IL16: variants seen among roughly 807,000 people sequenced by gnomAD.
The protein encoded by IL16 is pro-interleukin-16.
Under a neutral mutation model 110.1 loss-of-function variants are expected in IL16, and 67 were observed. The ratio of observed to expected loss-of-function variants is 0.61; its 90% CI spans 0.50 to 0.75. IL16 has a LOEUF of 0.75. IL16 is among the 30% of genes least tolerant of loss of function. IL16 has a pLI of 0.00. For missense variants in IL16, 1,545 were observed against 1,655.0 expected (o/e 0.93, Z 1.15); for synonymous variants, 689 against 662.9 (o/e 1.04, Z -0.61).
chr15:81,223,334 G>A (rs1247390466), intron 1 of IL16, among the ~76,000 whole-genome samples: 2 of 152,212 alleles, frequency 1.3e-5, no homozygotes, highest in African/African-American at 4.8e-5. Context: ...CAAGTGACAA[G>A]AGGAGGACAT....
At chr15:81,276,214 C>A (rs867194150) in intron 6 of IL16, among the ~76,000 whole-genome samples, 1 of 152,192 alleles carries the variant, frequency 6.6e-6, no homozygotes, top group Non-Finnish European at 1.5e-5. Context: ...ACCTAACAGA[C>A]GGAACTGATC....
chr15:81,265,243 G>T (rs1281428152), intron 3 of IL16, among the ~76,000 whole-genome samples: 1 of 152,176 alleles, frequency 6.6e-6, no homozygotes, highest in African/African-American at 2.4e-5. Flanking sequence ...TGTTCCTACT[G>T]GGTCTCGCCT....
chr15:81,233,491 G>GTA (rs200468907), intron 2 of IL16, among the ~76,000 whole-genome samples: 3,139 of 147,330 alleles, frequency 0.021, 43 homozygotes, highest in Middle Eastern at 0.037. Flanking sequence ...GTGTGTGTGT[G>GTA]TGTGTCTTGA....
chr15:81,204,757 AAAAAG>A (rs1452621483), intron 1 of IL16, among the ~76,000 whole-genome samples: 2 of 127,562 alleles, frequency 1.6e-5, no homozygotes, highest in African/African-American at 3.7e-5. Flanking sequence ...ATTAAAAAAA[AAAAAG>A]AAAAAAAAGA....
chr15:81,216,797 A>G (rs1399664219), intron 1 of IL16, among the ~76,000 whole-genome samples: 1 of 152,074 alleles, frequency 6.6e-6, no homozygotes, highest in African/African-American at 2.4e-5. Flanking sequence ...TGGCACCCCA[A>G]GCAGCCCTCC....
intron 2 of IL16, among the ~76,000 whole-genome samples, chr15:81,246,154 T>G (rs532638904): frequency 6.6e-6 from 1 of 152,300 alleles, no homozygotes; most frequent in African/African-American, 2.4e-5. Context: ...CTGTAAAAAT[T>G]AAAGAAACAG....
intron 18 of IL16, 152 bp downstream of exon 18, chr15:81,306,697 G>T: frequency 1.1e-6 from 1 of 949,922 alleles, no homozygotes; most frequent in Non-Finnish European, 1.7e-6. Context: ...GCTCAATTCT[G>T]CTTTTTCTAC....
chr15:81,189,754 C>T (rs920654648), intron 1 of IL16, among the ~76,000 whole-genome samples: 1 of 152,108 alleles, frequency 6.6e-6, no homozygotes, highest in Admixed American at 6.6e-5. Flanking sequence ...GAAGGATGCA[C>T]GAAGCATCTG....
chr15:81,296,738 A>T (rs1900002543), intron 12 of IL16, among the ~76,000 whole-genome samples, 190 bp from the exon 13 acceptor site: 1 of 152,202 alleles, frequency 6.6e-6, no homozygotes, highest in African/African-American at 2.4e-5. Flanking sequence ...GATGCTCTGC[A>T]TGTCTAGGAG....
At chr15:81,194,557 T>A (rs1895550864), upstream of IL16, among the ~76,000 whole-genome samples, 1 of 151,938 alleles carries the variant, frequency 6.6e-6, no homozygotes, top group African/African-American at 2.4e-5. Context: ...ATTAAAATTT[T>A]TGTAATTAAA....
chr15:81,191,417 T>C (rs1895495608), intron 1 of IL16, among the ~76,000 whole-genome samples: 1 of 152,228 alleles, frequency 6.6e-6, no homozygotes, highest in Non-Finnish European at 1.5e-5. Flanking sequence ...TAGAAACTCA[T>C]TACATGGCAT....
intron 8 of IL16, among the ~76,000 whole-genome samples, chr15:81,280,998 C>T (rs1899147995): frequency 6.6e-6 from 1 of 152,138 alleles, no homozygotes; most frequent in Non-Finnish European, 1.5e-5. Context: ...GACTCCACCC[C>T]CAGAGATTTT....
chr15:81,273,034 C>A, intron 5 of IL16, 56 bp from the exon 6 acceptor site: 2 of 1,400,676 alleles, frequency 1.4e-6, no homozygotes, highest in Non-Finnish European at 2.0e-6. Context: ...AGGCATCAGG[C>A]CAATGAGAAG....
chr15:81,238,111 C>T (rs1047538004), intron 2 of IL16, among the ~76,000 whole-genome samples: 1 of 152,076 alleles, frequency 6.6e-6, no homozygotes, highest in African/African-American at 2.4e-5. Context: ...ACCATCTTGG[C>T]CAGGCTGGTC....
At chr15:81,219,544 C>T (rs1896546327) in intron 1 of IL16, among the ~76,000 whole-genome samples, 1 of 152,106 alleles carries the variant, frequency 6.6e-6, no homozygotes, top group South Asian at 2.1e-4. Flanking sequence ...CCACCTGATG[C>T]CCCGCTCATG....
intron 2 of IL16, among the ~76,000 whole-genome samples, chr15:81,257,810 G>A (rs1567021680): frequency 6.6e-6 from 1 of 152,170 alleles, no homozygotes; most frequent in Non-Finnish European, 1.5e-5. Context: ...GAGTGTCAGT[G>A]TCTCCAACAA....
intron 16 of IL16, among the ~76,000 whole-genome samples, chr15:81,304,801 A>G (rs1420075087): frequency 6.6e-6 from 1 of 152,194 alleles, no homozygotes; most frequent in African/African-American, 2.4e-5. Context: ...GATTCTAACC[A>G]TGTAACAGAA....
At chr15:81,195,998 G>A (rs1193319220), upstream of IL16, among the ~76,000 whole-genome samples, 2 of 152,054 alleles carry the variant, frequency 1.3e-5, no homozygotes, top group Non-Finnish European at 2.9e-5. Context: ...ATGGGCTCTC[G>A]CACCTGAGCA....
chr15:81,273,300 G>A, intron 6 of IL16, 96 bp downstream of exon 6: 1 of 854,048 alleles, frequency 1.2e-6, no homozygotes, highest in Non-Finnish European at 1.8e-6. Context: ...TGCAAAATGT[G>A]TCTTGAGTTG....
Sources: gnomAD v4.1 joint callset for allele counts (sites outside exome capture counted in the v4.1 genomes callset) on GRCh38, gnomAD v4.1.1 for gene constraint, MANE v1.5 for transcripts, NCBI Gene and HGNC (gene_info 2026-07-23, HGNC 2026-07-21) for gene names.